NCKAP5: variants seen among roughly 807,000 people sequenced by gnomAD.
NCKAP5 encodes NCK associated protein 5.
A neutral mutation model predicts 167.0 loss-of-function variants in NCKAP5; 92 were observed. The ratio of observed to expected loss-of-function variants is 0.55; its 90% CI spans 0.47 to 0.66. The LOEUF (loss-of-function observed/expected upper bound fraction) is 0.66, where lower values mean the gene tolerates loss of function less well. Ranked by LOEUF, NCKAP5 falls within the 30% of genes least tolerant of loss-of-function variation. The pLI is 0.00. For missense variants in NCKAP5, 2,378 were observed against 2,315.0 expected (o/e 1.03, Z -0.56); for synonymous variants, 891 against 877.4 (o/e 1.02, Z -0.27).
At chr2:133,261,849 T>C (rs532418955) in intron 4 of NCKAP5, among the ~76,000 whole-genome samples, 1 of 152,172 alleles carries the variant, frequency 6.6e-6, no homozygotes, top group Non-Finnish European at 1.5e-5. Flanking sequence ...TGAACTAAAA[T>C]GCTATAATAT....
intron 16 of NCKAP5, among the ~76,000 whole-genome samples, chr2:132,762,824 G>A (rs1012776435): frequency 6.6e-6 from 1 of 152,230 alleles, no homozygotes; most frequent in Non-Finnish European, 1.5e-5. Flanking sequence ...AGCCAGTGAT[G>A]CTCACTGTGT....
intron 19 of NCKAP5, chr2:132,714,833 A>G (rs1001913671): frequency 6.9e-6 from 3 of 435,084 alleles, no homozygotes; most frequent in Non-Finnish European, 9.0e-6. Context: ...AAAAAAAATC[A>G]GTTAATGACA....
At chr2:133,244,322 T>C (rs904304800) in intron 4 of NCKAP5, among the ~76,000 whole-genome samples, 12 of 152,220 alleles carry the variant, frequency 7.9e-5, no homozygotes, top group African/African-American at 2.9e-4. Context: ...GATTTGCAAA[T>C]GCAAAATACA....
the NCKAP5 span, among the ~76,000 whole-genome samples, chr2:133,598,753 G>A: frequency 2.0e-5 from 3 of 152,330 alleles, no homozygotes; most frequent in Non-Finnish European, 4.4e-5. Context: ...GCACTAATAT[G>A]TCAGTTTCCT....
rs79310481 is a variant in NCKAP5 at position 133,161,753 on chromosome 2, G to A, written c.208-31642C>T. On this transcript the variant is annotated intron_variant, in intron 5 of 19. Coordinates refer to ENST00000409261, the MANE Select transcript of NCKAP5 (RefSeq NM_207363.3). Reference sequence around the variant, plus strand: ...TTAGAAACTCTCAACTGAGATTCACGTTTCAAAGTAATGGCATCCTGAAAG... The same window carrying A: ...TTAGAAACTCTCAACTGAGATTCACATTTCAAAGTAATGGCATCCTGAAAG... Among the ~76,000 whole-genome samples the A allele has an allele frequency of 5.3e-4, 81 of 152,282 alleles. 5 individuals carry two copies. In the South Asian group the frequency reaches 6.4e-3, roughly 12 times the overall value.
intron 19 of NCKAP5, among the ~76,000 whole-genome samples, chr2:132,677,510 G>C (rs538993728): frequency 5.9e-5 from 9 of 152,210 alleles, no homozygotes; most frequent in African/African-American, 1.9e-4. Flanking sequence ...TTGATTCTCA[G>C]AGGAAGTTTT....
intron 3 of NCKAP5, among the ~76,000 whole-genome samples, chr2:133,500,153 C>T (rs11896713): frequency 0.39 from 59,333 of 151,844 alleles, 11,796 homozygotes; most frequent in Non-Finnish European, 0.42. Context: ...AAAGCAATGC[C>T]AATTACAAGT....
At chr2:132,904,658 T>C (rs1693877373) in intron 8 of NCKAP5, among the ~76,000 whole-genome samples, 1 of 152,208 alleles carries the variant, frequency 6.6e-6, no homozygotes, top group African/African-American at 2.4e-5. Flanking sequence ...CGCCCACTGA[T>C]TAGTACCATC....
rs940255856 is a variant in NCKAP5 at position 133,362,740 on chromosome 2, T to C, written c.70-59630A>G. Reference sequence around the variant, plus strand: ...TGGATTGCAGCCAGATATGTAATCATGTATTTCTTTGTTGTTGTTGTTGTT... The same window carrying C: ...TGGATTGCAGCCAGATATGTAATCACGTATTTCTTTGTTGTTGTTGTTGTT... On this transcript the variant is annotated intron_variant, in intron 3 of 19. Coordinates refer to ENST00000409261, the MANE Select transcript of NCKAP5 (RefSeq NM_207363.3). 2.8e-5 allele frequency among the ~76,000 whole-genome samples: 4 copies of C among 143,482 alleles called. 1 individual carries two copies. Among genetic ancestry groups the C allele is most frequent in the Admixed American group, 2.1e-4 (3 of 14,554 alleles). The allele number at this position is 143,482 out of a possible 152,430, so 94.1% of individuals were successfully genotyped here.
intron 5 of NCKAP5, among the ~76,000 whole-genome samples, chr2:133,168,197 G>A (rs971870261): frequency 2.0e-5 from 3 of 151,696 alleles, no homozygotes; most frequent in African/African-American, 2.4e-5. Flanking sequence ...TTGAGCCCAC[G>A]CACTTAATCA....
At chr2:132,947,346 AT>A (rs1291905832) in intron 8 of NCKAP5, among the ~76,000 whole-genome samples, 2 of 152,204 alleles carry the variant, frequency 1.3e-5, no homozygotes, top group East Asian at 3.8e-4. Context: ...AGATATGCTA[AT>A]TTATGTACTG....
chr2:132,914,583 A>T (rs924002945), intron 8 of NCKAP5, among the ~76,000 whole-genome samples: 3 of 151,890 alleles, frequency 2.0e-5, no homozygotes, highest in African/African-American at 7.2e-5. Context: ...CTGAAACCCA[A>T]ATGCTGGGGG....
At chr2:132,794,296 AGAGAGAGAGAGG>A (rs1466247022) in intron 12 of NCKAP5, among the ~76,000 whole-genome samples, 29 of 120,306 alleles carry the variant, frequency 2.4e-4, no homozygotes, top group African/African-American at 8.4e-4. Context: ...AGAGAGAGAG[AGAGAGAGAGAGG>A]GTGGCGGGAA....
At chr2:132,997,240 T>C (rs1573679874) in intron 6 of NCKAP5, among the ~76,000 whole-genome samples, 1 of 152,232 alleles carries the variant, frequency 6.6e-6, no homozygotes, top group East Asian at 1.9e-4. Context: ...AGATTATTAA[T>C]TGGAGAAATT....
chr2:133,354,855 A>G (rs1230792884), intron 3 of NCKAP5, among the ~76,000 whole-genome samples: 2 of 152,338 alleles, frequency 1.3e-5, no homozygotes, highest in East Asian at 1.9e-4. Flanking sequence ...TCTAAAGAGG[A>G]TGCTAAAATT....
chr2:133,357,532 T>A (rs1684824519), intron 3 of NCKAP5, among the ~76,000 whole-genome samples: 1 of 152,146 alleles, frequency 6.6e-6, no homozygotes. Flanking sequence ...ACAGCTAAGA[T>A]CACCCTTAGA....
Position 132,731,737 on chromosome 2 carries a change from C to T in NCKAP5, c.5443G>A (p.Gly1815Arg). The change falls in exon 17 of 20, where the codon GGA (glycine) becomes AGA (arginine). Residue 1815 changes from glycine to arginine, a missense_variant and splice_region_variant. By Grantham distance (125) the Gly-to-Arg change is moderately radical. Transcript: ENST00000409261. ...QSRLPKPASS[G>R]KVSSQKQNEA... ...TAAGGGTGGGAAATTGGCATTTTACCTGAGGAAGCTGGTTTGGGGAGGCGG... is the reference window on the plus strand; with the variant it reads ...TAAGGGTGGGAAATTGGCATTTTACTTGAGGAAGCTGGTTTGGGGAGGCGG... 6.4e-7 allele frequency: 1 copy of T among 1,567,402 alleles called. No homozygotes were observed. The highest frequency in any genetic ancestry group is 8.7e-7 in the Non-Finnish European group (1 of 1,153,302).
rs1020165907 is a variant in NCKAP5 at position 132,858,914 on chromosome 2, C to T, written c.807+1578G>A. ...TAAACAGGGACTGTAGAGTCTTAAACACTACTTCAGAAAGGCCTCAAGTTA... is the reference window on the plus strand; with the variant it reads ...TAAACAGGGACTGTAGAGTCTTAAATACTACTTCAGAAAGGCCTCAAGTTA... On this transcript the variant is annotated intron_variant, in intron 11 of 19. Transcript: ENST00000409261. Among the ~76,000 whole-genome samples, 7 of 152,220 alleles carry T rather than the reference C, an allele frequency of 4.6e-5. No individual in the cohort carries two copies. In the South Asian group the frequency reaches 8.3e-4, roughly 18 times the overall value.
In NCKAP5 at chr2:133,492,143, T is replaced by TTGTGTGTGTGTGTGTGTGTGTG. The variant is rs780998843; in HGVS notation, c.69+25314_69+25315insCACACACACACACACACACACA. On this transcript the variant is annotated intron_variant, in intron 3 of 19. Coordinates refer to ENST00000409261, the MANE Select transcript of NCKAP5 (RefSeq NM_207363.3). ...ACCTGTATCCTATGCCATATCTAGT[T>TTGTGTGTGTGTGTGTGTGTGTG]AGTGTGTGTGTGTGTGTGTGTGTGT... is the stretch of plus-strand genomic sequence containing the variant. Among the ~76,000 whole-genome samples, 571 of 84,510 alleles carry TTGTGTGTGTGTGTGTGTGTGTG rather than the reference T, an allele frequency of 6.8e-3. 5 individuals are homozygous for TTGTGTGTGTGTGTGTGTGTGTG. Among genetic ancestry groups the TTGTGTGTGTGTGTGTGTGTGTG allele is most frequent in the Non-Finnish European group, 8.6e-3 (378 of 43,806 alleles). 55.4% of individuals were successfully genotyped at this position (84,510 alleles called of 152,430 possible).
Sources: gnomAD v4.1 joint callset for allele counts (sites outside exome capture counted in the v4.1 genomes callset) on GRCh38, gnomAD v4.1.1 for gene constraint, MANE v1.5 for transcripts, NCBI Gene and HGNC (gene_info 2026-07-23, HGNC 2026-07-21) for gene names.